The following MROH1 variants were observed in gnomAD, a reference collection of about 807,000 sequenced individuals.
MROH1 encodes maestro heat-like repeat-containing protein family member 1.
A neutral mutation model predicts 116.5 loss-of-function variants in MROH1; 117 were observed. That is an observed-to-expected ratio of 1.00 (90% CI 0.86 to 1.17). The LOEUF (loss-of-function observed/expected upper bound fraction) is 1.17, where lower values mean the gene tolerates loss of function less well. MROH1 is among the 50% of genes most tolerant of loss of function. The pLI is 0.00. For synonymous variants in MROH1, 921 were observed against 583.9 expected (o/e 1.58, Z -8.32); for missense variants, 1,873 against 1,338.5 (o/e 1.40, Z -6.23).
intron 11 of MROH1, 49 bp from the exon 12 acceptor site, chr8:144,200,379 G>A (rs1393991946): frequency 2.1e-6 from 3 of 1,422,670 alleles, no homozygotes; most frequent in South Asian, 2.7e-5. Context: ...GCTGTGTATA[G>A]GGATGAACAA....
intron 4 of MROH1, chr8:144,174,823 C>A: frequency 1.0e-6 from 1 of 985,246 alleles, no homozygotes; most frequent in South Asian, 4.7e-5. Flanking sequence ...ATGCCTTTTT[C>A]ATGGGTTCCT....
chr8:144,246,102 C>T (rs1181250029), intron 29 of MROH1, among the ~76,000 whole-genome samples: 1 of 120,760 alleles, frequency 8.3e-6, no homozygotes, highest in Admixed American at 9.7e-5. Flanking sequence ...TTCCTTCCTT[C>T]CTTTCTTTCC....
At chr8:144,179,943 TCC>T (rs1825138329) in intron 5 of MROH1, among the ~76,000 whole-genome samples, 1 of 147,694 alleles carries the variant, frequency 6.8e-6, no homozygotes, top group South Asian at 2.2e-4. Flanking sequence ...GCTCTGCTGC[TCC>T]TGCGTGTGGG....
intron 7 of MROH1, among the ~76,000 whole-genome samples, chr8:144,187,325 A>T (rs572827239): frequency 6.6e-6 from 1 of 152,120 alleles, no homozygotes; most frequent in African/African-American, 2.4e-5. Context: ...TGGGAGGATC[A>T]CTTGAGCCCA....
At chr8:144,253,375 C>T (rs977856674) in intron 33 of MROH1, among the ~76,000 whole-genome samples, 7 of 152,374 alleles carry the variant, frequency 4.6e-5, no homozygotes, top group South Asian at 2.1e-4. Context: ...CGCACTACAG[C>T]GGCAGGCTTG....
intron 33 of MROH1, chr8:144,251,116 G>A (rs1842787497): frequency 6.3e-6 from 1 of 159,688 alleles, no homozygotes; most frequent in Non-Finnish European, 1.4e-5. Flanking sequence ...GGGGAACACA[G>A]GTTTCCTTGC....
At chr8:144,169,098 T>C (rs1564382820) in intron 4 of MROH1, among the ~76,000 whole-genome samples, 5 of 152,266 alleles carry the variant, frequency 3.3e-5, no homozygotes, top group Admixed American at 2.6e-4. Context: ...TGGTTCTCTG[T>C]CACCGCTGAC....
chr8:144,176,359 C>G (rs528812246), intron 4 of MROH1, among the ~76,000 whole-genome samples: 1 of 124,506 alleles, frequency 8.0e-6, no homozygotes, highest in Non-Finnish European at 1.7e-5. Flanking sequence ...GGTGACAGAG[C>G]GAGACTGCAT....
chr8:144,149,158 CGTT>C (rs1816134337), intron 1 of MROH1, among the ~76,000 whole-genome samples: 2 of 152,070 alleles, frequency 1.3e-5, no homozygotes, highest in African/African-American at 2.4e-5. Context: ...GTGTGGGAAT[CGTT>C]GTTTGCGGCA....
intron 1 of MROH1, among the ~76,000 whole-genome samples, chr8:144,150,243 T>C (rs953872104): frequency 6.4e-4 from 98 of 152,288 alleles, no homozygotes; most frequent in African/African-American, 2.2e-3. Flanking sequence ...CTAAATGTGG[T>C]TGAATTAAAT....
At chr8:144,234,300 G>A (rs955372365) in intron 14 of MROH1, among the ~76,000 whole-genome samples, 2 of 151,996 alleles carry the variant, frequency 1.3e-5, no homozygotes, top group African/African-American at 2.4e-5. Context: ...GAGCCACCGC[G>A]CCCGGCTGTA....
intron 14 of MROH1, among the ~76,000 whole-genome samples, chr8:144,230,361 T>C (rs1222604113): frequency 1.3e-5 from 2 of 152,244 alleles, no homozygotes; most frequent in Non-Finnish European, 2.9e-5. Context: ...ATCATTCGTG[T>C]GTTCACTGGA....
chr8:144,155,052 G>A (rs1419859563), intron 1 of MROH1, among the ~76,000 whole-genome samples: 2 of 152,146 alleles, frequency 1.3e-5, no homozygotes, highest in South Asian at 4.1e-4. Flanking sequence ...TCCTGACCTC[G>A]TGATCCACCC....
chr8:144,177,182 C>T (rs924254262), intron 4 of MROH1, among the ~76,000 whole-genome samples: 8 of 152,224 alleles, frequency 5.3e-5, no homozygotes, highest in African/African-American at 1.4e-4. Context: ...TAACTGGTTT[C>T]GCAGAGTGGC....
At chr8:144,177,953 C>T (rs1011852015) in intron 4 of MROH1, among the ~76,000 whole-genome samples, 3 of 139,534 alleles carry the variant, frequency 2.2e-5, no homozygotes, top group East Asian at 2.2e-4. Context: ...ACCCAGTCTC[C>T]GGTATTTCTT....
At chr8:144,226,504 G>A (rs565578116) in intron 14 of MROH1, among the ~76,000 whole-genome samples, 69 of 152,056 alleles carry the variant, frequency 4.5e-4, no homozygotes, top group Non-Finnish European at 4.6e-4. Flanking sequence ...TCAGGCTGGA[G>A]TAAAATGGTG....
chr8:144,223,023 G>C, intron 13 of MROH1, 85 bp from the exon 14 acceptor site: 1 of 1,571,390 alleles, frequency 6.4e-7, no homozygotes, highest in Non-Finnish European at 8.7e-7. Flanking sequence ...TGGGTGGGAG[G>C]AAGACTGAGG....
intron 10 of MROH1, among the ~76,000 whole-genome samples, chr8:144,196,542 A>C (rs567598504): frequency 4.4e-4 from 66 of 151,490 alleles, no homozygotes; most frequent in African/African-American, 1.5e-3. Flanking sequence ...TTTTTAATAG[A>C]GACAGGGTTT....
At chr8:144,170,123 A>G (rs978541167) in intron 4 of MROH1, among the ~76,000 whole-genome samples, 2 of 152,142 alleles carry the variant, frequency 1.3e-5, no homozygotes, top group Non-Finnish European at 2.9e-5. Context: ...GTGAGCCACT[A>G]CCTGGCCAAT....
Sources: allele counts gnomAD v4.1 joint callset (sites outside exome capture counted in the v4.1 genomes callset), GRCh38; gene constraint gnomAD v4.1.1; transcripts MANE v1.5; gene names NCBI Gene and HGNC (gene_info 2026-07-23, HGNC 2026-07-21).